Variants in TRDN observed in about 807,000 individuals in gnomAD.
The protein encoded by TRDN is triadin.
Under a neutral mutation model 149.7 loss-of-function variants are expected in TRDN, and 161 were observed. That is an observed-to-expected ratio of 1.08 (90% CI 0.95 to 1.23). The LOEUF (loss-of-function observed/expected upper bound fraction) is 1.23. TRDN is among the 50% of genes most tolerant of loss of function. The probability of loss-of-function intolerance (pLI) is 0.00; values close to 1 mark genes in which losing one functional copy is unlikely to be tolerated. For synonymous variants in TRDN, 294 were observed against 250.5 expected (o/e 1.17, Z -1.64); for missense variants, 896 against 823.5 (o/e 1.09, Z -1.08).
intron 38 of TRDN, among the ~76,000 whole-genome samples, chr6:123,241,616 AAGAT>A (rs1310097722): frequency 3.2e-4 from 48 of 151,960 alleles, no homozygotes; most frequent in African/African-American, 1.1e-3. Flanking sequence ...TCACAAAAGT[AAGAT>A]AGAAAGAAAG....
intron 10 of TRDN, among the ~76,000 whole-genome samples, chr6:123,461,931 C>T (rs755344800): frequency 8.9e-4 from 135 of 152,152 alleles, no homozygotes; most frequent in Non-Finnish European, 1.4e-3. Flanking sequence ...GGCGTTTCAG[C>T]CCTAGTAAGA....
chr6:123,571,167 G>C (rs1465897600), intron 1 of TRDN, 35 bp from the exon 2 acceptor site: 1 of 1,603,102 alleles, frequency 6.2e-7, no homozygotes, highest in Non-Finnish European at 8.5e-7. Context: ...ATATAATTTA[G>C]AGATTCATGG....
intron 26 of TRDN, among the ~76,000 whole-genome samples, chr6:123,276,572 A>G (rs1385589902): frequency 6.6e-6 from 1 of 152,156 alleles, no homozygotes; most frequent in African/African-American, 2.4e-5. Context: ...CTATCTAGAC[A>G]GTGTGCCATG....
intron 7 of TRDN, among the ~76,000 whole-genome samples, chr6:123,510,642 C>CTTTT (rs145396385): frequency 2.2e-5 from 3 of 138,482 alleles, no homozygotes; most frequent in African/African-American, 5.4e-5. Flanking sequence ...TGCATGACCA[C>CTTTT]TTTTTTTTTT....
At chr6:123,290,340 T>A (rs1356205842) in intron 24 of TRDN, among the ~76,000 whole-genome samples, 1 of 152,052 alleles carries the variant, frequency 6.6e-6, no homozygotes, top group Non-Finnish European at 1.5e-5. Flanking sequence ...CTACAGGCAT[T>A]GTGATATGTG....
intron 1 of TRDN, among the ~76,000 whole-genome samples, chr6:123,635,691 T>C (rs1469724591): frequency 4.6e-5 from 7 of 151,918 alleles, no homozygotes. Flanking sequence ...AAAACAAATA[T>C]TCTATTTTTC....
chr6:123,336,155 C>A (rs2114734995), intron 22 of TRDN, among the ~76,000 whole-genome samples: 1 of 151,946 alleles, frequency 6.6e-6, no homozygotes, highest in Non-Finnish European at 1.5e-5. Flanking sequence ...ACACTCAAAG[C>A]AAAAGTGCTT....
chr6:123,463,031 A>G (rs1326318319), intron 10 of TRDN: 2 of 152,174 alleles, frequency 1.3e-5, no homozygotes, highest in Non-Finnish European at 2.9e-5. Context: ...TCTGGGATGA[A>G]CTGTCAAATT....
chr6:123,544,314 C>A (rs144582198), intron 4 of TRDN, among the ~76,000 whole-genome samples: 295 of 150,802 alleles, frequency 2.0e-3, no homozygotes, highest in African/African-American at 7.0e-3. Flanking sequence ...GGCAATGTTA[C>A]TTAATTTTTT....
chr6:123,530,510 A>G lies in TRDN; in HGVS notation c.480T>C (p.Thr160=), dbSNP rs1020844292. The G allele has an allele frequency of 8.0e-7, 1 of 1,248,760 alleles. No individual in the cohort carries two copies. 77.4% of individuals were successfully genotyped at this position (1,248,760 alleles called of 1,614,324 possible). The change falls in exon 5 of 41, where the codon ACT becomes ACC. Residue 160 remains threonine (T), a synonymous_variant. Coordinates refer to ENST00000334268, the MANE Select transcript of TRDN (RefSeq NM_006073.4). ...AACATAAAATGAAATGTTTACCTTTAGTTTGTATTTTCCTTTCAGGTTTCT... is the reference window on the plus strand; with the variant it reads ...AACATAAAATGAAATGTTTACCTTTGGTTTGTATTTTCCTTTCAGGTTTCT... ...KQEKPERKIQ[T]KVTHKEKEKG...
intron 24 of TRDN, among the ~76,000 whole-genome samples, chr6:123,307,177 A>G (rs982853251): frequency 6.6e-5 from 10 of 152,252 alleles, no homozygotes; most frequent in Admixed American, 5.2e-4. Context: ...GAGAGGATTT[A>G]GAAGAAAAGA....
At chr6:123,220,756 C>T (rs755892369) in intron 40 of TRDN, among the ~76,000 whole-genome samples, 3 of 151,702 alleles carry the variant, frequency 2.0e-5, no homozygotes, top group South Asian at 2.1e-4. Context: ...AATCAAGAGA[C>T]GTCATTTCTT....
intron 9 of TRDN, among the ~76,000 whole-genome samples, chr6:123,486,261 T>G (rs562638137): frequency 6.6e-6 from 1 of 152,038 alleles, no homozygotes; most frequent in Admixed American, 6.6e-5. Flanking sequence ...TTCTTTTTTT[T>G]TTTTTAACCA....
chr6:123,265,014 C>T (rs1248459276), intron 33 of TRDN, among the ~76,000 whole-genome samples: 1 of 151,934 alleles, frequency 6.6e-6, no homozygotes, highest in Non-Finnish European at 1.5e-5. Flanking sequence ...CCGAGGTATG[C>T]CAGGACAATG....
chr6:123,584,390 A>G (rs534253268), intron 1 of TRDN, among the ~76,000 whole-genome samples: 1 of 112,840 alleles, frequency 8.9e-6, no homozygotes, highest in South Asian at 3.1e-4. Context: ...GCACGGAGAC[A>G]TGATGCCTAG....
chr6:123,230,113 A>G (rs1775542661), intron 38 of TRDN, among the ~76,000 whole-genome samples: 2 of 152,038 alleles, frequency 1.3e-5, no homozygotes, highest in African/African-American at 2.4e-5. Flanking sequence ...ACTATTCACA[A>G]TAGCAAAGAC....
intron 1 of TRDN, among the ~76,000 whole-genome samples, chr6:123,605,597 C>CAAAAAAAAAA (rs35881822): frequency 6.5e-5 from 8 of 123,990 alleles, no homozygotes; most frequent in African/African-American, 1.2e-4. Context: ...ACCCTCTCTA[C>CAAAAAAAAAA]AAAAAAAAAA....
chr6:123,340,997 T>C (rs928422920), intron 21 of TRDN, among the ~76,000 whole-genome samples: 7 of 151,962 alleles, frequency 4.6e-5, no homozygotes, highest in Non-Finnish European at 1.0e-4. Context: ...CTCTTTGTTT[T>C]ATTTTAATTC....
At chr6:123,454,239 C>T (rs1176976811) in intron 10 of TRDN, among the ~76,000 whole-genome samples, 1 of 152,000 alleles carries the variant, frequency 6.6e-6, no homozygotes, top group Non-Finnish European at 1.5e-5. Context: ...AAAATTTACT[C>T]ATGTAACCAA....
Sources: gnomAD v4.1 joint callset for allele counts (sites outside exome capture counted in the v4.1 genomes callset) on GRCh38, gnomAD v4.1.1 for gene constraint, MANE v1.5 for transcripts, NCBI Gene and HGNC (gene_info 2026-07-23, HGNC 2026-07-21) for gene names.